The following HK2 variants were observed in gnomAD, a reference collection of about 807,000 sequenced individuals.
HK2 encodes the protein hexokinase-2.
In HK2, 42 loss-of-function variants were observed where a neutral mutation model predicts 92.9. That is an observed-to-expected ratio of 0.45 (90% CI 0.35 to 0.58). HK2 has a LOEUF of 0.58. HK2 is among the 20% of genes least tolerant of loss of function. HK2 has a pLI of 0.00. For missense variants in HK2, 978 were observed against 1,245.1 expected (o/e 0.79, Z 3.23); for synonymous variants, 422 against 468.0 (o/e 0.90, Z 1.27).
At chr2:74,885,612 T>G (rs1161787358) in intron 13 of HK2, 23 bp downstream of exon 13, 1 of 1,468,158 alleles carries the variant, frequency 6.8e-7, no homozygotes. Context: ...TGGCACGAGG[T>G]CTGATGTGTC....
At chr2:74,853,635 C>T (rs1227576420) in intron 1 of HK2, among the ~76,000 whole-genome samples, 8 of 151,690 alleles carry the variant, frequency 5.3e-5, no homozygotes, top group African/African-American at 1.9e-4. Flanking sequence ...GGAGGATCAC[C>T]TGAGGCTGGC....
intron 1 of HK2, among the ~76,000 whole-genome samples, chr2:74,837,728 TGCAGTGGCGC>T (rs1688202298): frequency 6.9e-6 from 1 of 144,234 alleles, no homozygotes; most frequent in Admixed American, 7.4e-5. Context: ...CAGGCTGGAG[TGCAGTGGCGC>T]TATCTCTGCT....
intron 1 of HK2, among the ~76,000 whole-genome samples, chr2:74,838,471 G>C (rs1688223462): frequency 6.6e-6 from 1 of 152,098 alleles, no homozygotes; most frequent in African/African-American, 2.4e-5. Flanking sequence ...AAAGGGAGGA[G>C]AGTTTCCTGT....
chr2:74,854,624 A>G (rs887926453), intron 2 of HK2, among the ~76,000 whole-genome samples, 169 bp downstream of exon 2: 4 of 152,218 alleles, frequency 2.6e-5, no homozygotes, highest in African/African-American at 9.6e-5. Flanking sequence ...GAAGCTTGGG[A>G]AAAGCTGGCA....
At chr2:74,881,962 G>C in intron 11 of HK2, 103 bp downstream of exon 11, 2 of 1,464,684 alleles carry the variant, frequency 1.4e-6, no homozygotes, top group Admixed American at 3.5e-5. Flanking sequence ...GGGAGGGCTA[G>C]CTGGACCCAG....
At position 74,873,851 on chromosome 2, in the gene HK2, A is replaced by G; in HGVS notation, c.599A>G (p.Asp200Gly). Reference sequence around the variant, plus strand: ...TCCCATTTGTCTCCACAGGACTTTGATATCGACATTGTGGCTGTGGTGAAT... The same window carrying G: ...TCCCATTTGTCTCCACAGGACTTTGGTATCGACATTGTGGCTGTGGTGAAT... ...RKAIQRRGDF[D>G]IDIVAVVNDT... Residue 200 changes from aspartate (D) to glycine (G), a missense_variant, in exon 6 of 18, where the codon GAT (aspartate) becomes GGT (glycine). This residue lies in a region of HK2 where 189 missense variants were observed against 289.5 expected (regional missense o/e 0.65). Coordinates refer to ENST00000290573, the MANE Select transcript of HK2 (RefSeq NM_000189.5). 2 of 1,613,524 alleles carry G rather than the reference A, an allele frequency of 1.2e-6. No homozygotes were observed. Among genetic ancestry groups the G allele is most frequent in the African/African-American group, 1.3e-5 (1 of 74,976 alleles).
At chr2:74,867,018 C>A (rs1438162716) in intron 2 of HK2, among the ~76,000 whole-genome samples, 1 of 152,050 alleles carries the variant, frequency 6.6e-6, no homozygotes, top group African/African-American at 2.4e-5. Flanking sequence ...ATTTGGTGTT[C>A]TGGGGGTATG....
At chr2:74,889,560 A>G (rs766354735) in intron 17 of HK2, 82 bp downstream of exon 17, 8 of 940,452 alleles carry the variant, frequency 8.5e-6, no homozygotes, top group Non-Finnish European at 1.4e-5. Context: ...TTCCTTTGTT[A>G]CTTTATAGTG....
At position 74,863,215 on chromosome 2, in the gene HK2, GTGTTT is replaced by G. The variant is rs201597969; in HGVS notation, c.227-4419_227-4415del. Among the ~76,000 whole-genome samples the G allele has an allele frequency of 6.4e-4, 98 of 152,290 alleles. 1 individual carries two copies. In the East Asian group the frequency reaches 0.017, roughly 27 times the overall value. On this transcript the variant is annotated intron_variant, in intron 2 of 17. Transcript: ENST00000290573. ...CTAGGAGCTTTAGGGTGCCAGTCAT[GTGTTT>G]TACGTGTTCCACACCCCTCCCTTCA...
In HK2 at chr2:74,882,149, G is replaced by A. The variant is rs770979535; in HGVS notation, c.1749G>A (p.Ala583=). The A allele has an allele frequency of 5.6e-6, 9 of 1,614,174 alleles. No homozygotes were observed. Among genetic ancestry groups the A allele is most frequent in the Non-Finnish European group, 6.8e-6 (8 of 1,180,018 alleles). ...TTGACCACATTGTCCAGTGCATCGC[G>A]GACTTCCTCGAGTACATGGGCATGA... ...ELFDHIVQCI[A]DFLEYMGMKG... The change falls in exon 12 of 18, where the codon GCG becomes GCA. Residue 583 remains alanine, a synonymous_variant. Coordinates refer to ENST00000290573, the MANE Select transcript of HK2 (RefSeq NM_000189.5).
chr2:74,851,369 C>T (rs1322901823), intron 1 of HK2, among the ~76,000 whole-genome samples: 1 of 152,202 alleles, frequency 6.6e-6, no homozygotes, highest in East Asian at 1.9e-4. Context: ...TGTCATTGAA[C>T]ATGTGGAAGA....
intron 2 of HK2, among the ~76,000 whole-genome samples, chr2:74,864,699 G>C (rs1267152838): frequency 6.6e-6 from 1 of 152,134 alleles, no homozygotes; most frequent in Non-Finnish European, 1.5e-5. Context: ...TAGAGACAGG[G>C]TTTCACCATG....
rs948780536 is a variant in HK2, at chr2:74,834,269, T to C, written c.-312T>C. 16 of 465,346 alleles carry C rather than the reference T, an allele frequency of 3.4e-5. No individual in the cohort carries two copies. The highest frequency in any genetic ancestry group is 5.6e-5 in the Non-Finnish European group (14 of 251,102). The allele number at this position is 465,346 out of a possible 1,614,324, so 28.8% of individuals were successfully genotyped here. On this transcript the variant is annotated 5_prime_UTR_variant, in exon 1 of 18. Coordinates refer to ENST00000290573, the MANE Select transcript of HK2 (RefSeq NM_000189.5). This position sits in a 1 kb window ranked among gnomAD's most constrained non-coding sequence, Gnocchi z 4.2. ...CTGCCCGAGTGGAGCCGGGCTGAGA[T>C]TCTTCTCAAGTTGAGCCTCAGTGAT...
At chr2:74,859,348 A>T (rs1178443820) in intron 2 of HK2, among the ~76,000 whole-genome samples, 1 of 152,204 alleles carries the variant, frequency 6.6e-6, no homozygotes, top group Non-Finnish European at 1.5e-5. Flanking sequence ...GTGATGTAAG[A>T]TCTAGATGAA....
At chr2:74,872,568 A>T in intron 4 of HK2, 149 bp downstream of exon 4, 3 of 553,500 alleles carry the variant, frequency 5.4e-6, no homozygotes, top group South Asian at 1.5e-5. Flanking sequence ...GTGTATGTCG[A>T]TGGGGGGGCT....
In HK2 at chr2:74,838,518, G is replaced by A. The variant is rs115003657; in HGVS notation, c.63+3875G>A. The stretch of plus-strand genomic sequence containing the variant: ...CAAGACTGTGTGTCCTGCCTATGGA[G>A]AGATGGAAGATTCTTTCTATTTTTT... On this transcript the variant is annotated intron_variant, in intron 1 of 17. Transcript: ENST00000290573. 6.8e-3 allele frequency among the ~76,000 whole-genome samples: 1,028 copies of A among 151,038 alleles called. 14 individuals carry two copies. The highest frequency in any genetic ancestry group is 0.024 in the African/African-American group (985 of 41,170).
chr2:74,861,960 T>C (rs1284155276), intron 2 of HK2, among the ~76,000 whole-genome samples: 1 of 152,208 alleles, frequency 6.6e-6, no homozygotes, highest in Admixed American at 6.5e-5. Flanking sequence ...GAATTGTGAA[T>C]TATGTTCACA....
At chr2:74,881,150 A>G (rs561735575) in intron 10 of HK2, among the ~76,000 whole-genome samples, 25 of 152,376 alleles carry the variant, frequency 1.6e-4, no homozygotes, top group Non-Finnish European at 3.1e-4. Context: ...GAGTGGTGGC[A>G]GCAAAGACTG....
rs1229711112 is a variant in HK2 at position 74,834,168 on chromosome 2, C to A, written c.-413C>A. 2.9e-6 allele frequency: 1 copy of A among 350,484 alleles called. No individual in the cohort carries two copies. The highest frequency in any genetic ancestry group is 2.1e-5 in the African/African-American group (1 of 46,708). 21.7% of individuals were successfully genotyped at this position (350,484 alleles called of 1,614,324 possible). ...CTCCGGCGCAGGAGTCCCGGGCTGC[C>A]GCTGGCAACATCGTGTCACCCAGCT... On this transcript the variant is annotated 5_prime_UTR_variant, in exon 1 of 18. Coordinates refer to ENST00000290573, the MANE Select transcript of HK2 (RefSeq NM_000189.5). The surrounding 1 kb of genome is among the most constrained non-coding windows in gnomAD (Gnocchi z 4.2).
Sources: gnomAD v4.1 joint callset for allele counts (sites outside exome capture counted in the v4.1 genomes callset) on GRCh38, gnomAD v4.1.1 for gene constraint, gnomAD v4.1.1 regional missense constraint, Gnocchi (gnomAD v3.1) non-coding constraint, MANE v1.5 for transcripts, NCBI Gene and HGNC (gene_info 2026-07-23, HGNC 2026-07-21) for gene names.